Variants in TRIP4 observed in about 807,000 individuals in gnomAD.
TRIP4 encodes activating signal cointegrator 1.
TRIP4 carries 54 observed loss-of-function variants against 81.8 expected under a neutral mutation model. That is an observed-to-expected ratio of 0.66 (90% CI 0.53 to 0.83). The LOEUF (loss-of-function observed/expected upper bound fraction) is 0.83, where lower values mean the gene tolerates loss of function less well. Ranked by LOEUF, TRIP4 falls within the 40% of genes least tolerant of loss-of-function variation. TRIP4 has a pLI of 0.00. For missense variants in TRIP4, 662 were observed against 683.6 expected, an observed-to-expected ratio of 0.97 and a Z score of 0.35; for synonymous variants, 270 against 242.8, an observed-to-expected ratio of 1.11 and a Z score of -1.04.
Position 64,400,789 on chromosome 15 carries a change from A to G in TRIP4, c.665A>G (p.Lys222Arg), listed in dbSNP as rs774095998. Reference sequence around the variant, plus strand: ...GATATTTTACAGCGTGACTCAAACAAGAGCCAGAAACTGCTAAAGAAACTC... The same window carrying G: ...GATATTTTACAGCGTGACTCAAACAGGAGCCAGAAACTGCTAAAGAAACTC... ...EQDILQRDSN[K>R]SQKLLKKLMS... Residue 222 changes from lysine to arginine, a missense_variant, in exon 5 of 13, where the codon AAG (lysine) becomes AGG (arginine). By Grantham distance (26) the Lys-to-Arg change is conservative. Transcript: ENST00000261884. 1 of 1,614,044 alleles carries G rather than the reference A, an allele frequency of 6.2e-7. No individual in the cohort carries two copies. Among genetic ancestry groups the G allele is most frequent in the African/African-American group, 1.3e-5 (1 of 74,934 alleles).
intron 10 of TRIP4, among the ~76,000 whole-genome samples, chr15:64,424,805 C>T (rs1892102256): frequency 6.6e-6 from 1 of 152,102 alleles, no homozygotes; most frequent in African/African-American, 2.4e-5. Context: ...GAGACAGAGT[C>T]TCGTTCTGTA....
intron 9 of TRIP4, among the ~76,000 whole-genome samples, chr15:64,423,057 C>T (rs1892054327): frequency 6.6e-6 from 1 of 152,064 alleles, no homozygotes; most frequent in Non-Finnish European, 1.5e-5. Context: ...TTTTGTAATC[C>T]TTGGAAAGTA....
intron 9 of TRIP4, among the ~76,000 whole-genome samples, chr15:64,419,089 AC>A (rs1891950538): frequency 6.6e-6 from 1 of 152,174 alleles, no homozygotes; most frequent in South Asian, 2.1e-4. Context: ...CTACTAAGCA[AC>A]CTTAATAATT....
chr15:64,454,116 T>G (rs189240472), intron 12 of TRIP4, among the ~76,000 whole-genome samples: 2 of 134,006 alleles, frequency 1.5e-5, no homozygotes, highest in Admixed American at 9.1e-5. Flanking sequence ...AGACTCCTTG[T>G]TTTTTTTTTT....
chr15:64,450,198 G>A (rs1211269006), intron 12 of TRIP4, among the ~76,000 whole-genome samples: 1 of 151,816 alleles, frequency 6.6e-6, no homozygotes, highest in Non-Finnish European at 1.5e-5. Context: ...GACCATCCTC[G>A]CTAACACGGT....
At position 64,394,113 on chromosome 15, in the gene TRIP4, A is replaced by G; in HGVS notation, c.269A>G (p.Asp90Gly). ...SDPLQQCFKK[D>G]EILDGQKSGD... is the part of the protein sequence containing the mutation. ...CCTTTGCAGCAGTGCTTCAAAAAAG[A>G]TGGTAAGTTAATGTAATTATGCAAA... Residue 90 changes from aspartate (D) to glycine (G), a missense_variant and splice_region_variant, in exon 2 of 13, where the codon GAT becomes GGT. Transcript: ENST00000261884. 1 of 1,589,642 alleles carries G rather than the reference A, an allele frequency of 6.3e-7. No homozygotes were observed. Among genetic ancestry groups the G allele is most frequent in the African/African-American group, 1.3e-5 (1 of 74,200 alleles).
intron 5 of TRIP4, among the ~76,000 whole-genome samples, chr15:64,401,517 C>G (rs894365792): frequency 3.9e-5 from 6 of 152,162 alleles, no homozygotes; most frequent in Non-Finnish European, 7.3e-5. Flanking sequence ...AGTGATCTGC[C>G]TGCCTCGGCC....
In TRIP4 at chr15:64,394,121, T is replaced by A. The variant is rs748866481; in HGVS notation, c.271+6T>A. 6.3e-7 allele frequency: 1 copy of A among 1,575,772 alleles called. No homozygotes were observed. Among genetic ancestry groups the A allele is most frequent in the Non-Finnish European group, 8.6e-7 (1 of 1,160,644 alleles). ...GCAGTGCTTCAAAAAAGATGGTAAG[T>A]TAATGTAATTATGCAAATGTTGAAA... On this transcript the variant is annotated splice_donor_region_variant and intron_variant, in intron 2 of 12. Coordinates refer to ENST00000261884, the MANE Select transcript of TRIP4 (RefSeq NM_016213.5).
At chr15:64,392,989 A>G (rs1488473618) in intron 1 of TRIP4, among the ~76,000 whole-genome samples, 2 of 152,100 alleles carry the variant, frequency 1.3e-5, no homozygotes, top group African/African-American at 4.8e-5. Context: ...TTCCACCATT[A>G]CACTGTGAAA....
chr15:64,445,188 A>G, intron 12 of TRIP4, 80 bp downstream of exon 12: 1 of 709,680 alleles, frequency 1.4e-6, no homozygotes, highest in Non-Finnish European at 2.4e-6. Context: ...AAGGAGTTCA[A>G]TCTATAACTG....
chr15:64,398,129 C>T (rs1900347831), intron 4 of TRIP4, among the ~76,000 whole-genome samples: 2 of 152,114 alleles, frequency 1.3e-5, no homozygotes, highest in African/African-American at 4.8e-5. Flanking sequence ...TCTCGATCTC[C>T]TGACCTTGTG....
chr15:64,428,737 T>A (rs1892204567), intron 11 of TRIP4, among the ~76,000 whole-genome samples: 1 of 152,056 alleles, frequency 6.6e-6, no homozygotes, highest in Admixed American at 6.5e-5. Context: ...CCCTCCTGAG[T>A]AGCTGGGATT....
chr15:64,430,822 T>C (rs1354409487), intron 11 of TRIP4, among the ~76,000 whole-genome samples: 2 of 152,220 alleles, frequency 1.3e-5, no homozygotes, highest in East Asian at 1.9e-4. Context: ...CAAGGAATTA[T>C]GCTGAAGCAG....
chr15:64,414,680 C>T (rs1891854058), intron 8 of TRIP4, among the ~76,000 whole-genome samples: 1 of 151,612 alleles, frequency 6.6e-6, no homozygotes, highest in African/African-American at 2.4e-5. Context: ...CCACGCCCAG[C>T]GAATTTTTTG....
rs1467905212 is a variant in TRIP4 at position 64,406,255 on chromosome 15, G to A, written c.698-75G>A. 3 of 1,560,738 alleles carry A rather than the reference G, an allele frequency of 1.9e-6. No individual in the cohort carries two copies. In the East Asian group the frequency reaches 6.7e-5, roughly 35 times the overall value. On this transcript the variant is annotated intron_variant, in intron 5 of 12. Coordinates refer to ENST00000261884, the MANE Select transcript of TRIP4 (RefSeq NM_016213.5). ...CCAGAACCAGATCTTCTGATGTTTT[G>A]TTCTTTGTTGCACACTGGTACAACT... is the stretch of plus-strand genomic sequence containing the variant.
chr15:64,394,202 C>G, intron 2 of TRIP4, 87 bp downstream of exon 2: 3 of 1,207,548 alleles, frequency 2.5e-6, no homozygotes, highest in East Asian at 2.8e-5. Context: ...TTTTTGCCAT[C>G]TTGTGTTTCT....
At chr15:64,425,088 T>G (rs1185993902) in intron 10 of TRIP4, among the ~76,000 whole-genome samples, 3 of 152,164 alleles carry the variant, frequency 2.0e-5, no homozygotes, top group Non-Finnish European at 4.4e-5. Flanking sequence ...AAAAGCACAC[T>G]TCTATTCCTA....
At chr15:64,423,564 G>A (rs1298631523) in intron 9 of TRIP4, among the ~76,000 whole-genome samples, 3 of 148,362 alleles carry the variant, frequency 2.0e-5, no homozygotes, top group African/African-American at 7.4e-5. Context: ...TAAATAAAAA[G>A]TAACATTCTT....
At chr15:64,440,602 G>A (rs895390143) in intron 11 of TRIP4, among the ~76,000 whole-genome samples, 1 of 151,866 alleles carries the variant, frequency 6.6e-6, no homozygotes. Context: ...TCTGTTTCTT[G>A]TAAGCCCCTT....
Sources: allele counts gnomAD v4.1 joint callset (sites outside exome capture counted in the v4.1 genomes callset), GRCh38; gene constraint gnomAD v4.1.1; transcripts MANE v1.5; gene names NCBI Gene and HGNC (gene_info 2026-07-23, HGNC 2026-07-21).